Variants in YEATS4 observed in about 807,000 individuals in gnomAD.
The protein encoded by YEATS4 is YEATS domain-containing protein 4.
Under a neutral mutation model 30.1 loss-of-function variants are expected in YEATS4, and 17 were observed. The observed-to-expected ratio is 0.56, with a 90% CI of 0.39 to 0.85. The LOEUF (loss-of-function observed/expected upper bound fraction) is 0.85, where lower values mean the gene tolerates loss of function less well. YEATS4 is among the 40% of genes least tolerant of loss of function. The pLI is 0.00. For synonymous variants in YEATS4, 85 were observed against 87.5 expected (o/e 0.97, Z 0.16); for missense variants, 142 against 268.3 (o/e 0.53, Z 3.29).
intron 6 of YEATS4, among the ~76,000 whole-genome samples, chr12:69,388,129 C>G (rs1222901975): frequency 1.3e-5 from 2 of 151,576 alleles, no homozygotes; most frequent in Non-Finnish European, 2.9e-5. Flanking sequence ...GGCGCGATCT[C>G]GGCTCACTGC....
rs1218253721 is a variant in YEATS4 at position 69,359,889 on chromosome 12, A to G, written c.-84A>G. The stretch of plus-strand genomic sequence containing the variant: ...AACCCTCCGCCTGGGCCCGCGCGAC[A>G]GGAGCGCGGTCTCTGAGGGGAGCGG... On this transcript the variant is annotated 5_prime_UTR_variant, in exon 1 of 7. Coordinates refer to ENST00000247843, the MANE Select transcript of YEATS4 (RefSeq NM_006530.4). 1.3e-6 allele frequency: 2 copies of G among 1,556,180 alleles called. No homozygotes were observed. Among genetic ancestry groups the G allele is most frequent in the Non-Finnish European group, 1.8e-6 (2 of 1,136,916 alleles).
chr12:69,415,155 A>G, the YEATS4 span, among the ~76,000 whole-genome samples: 1 of 152,162 alleles, frequency 6.6e-6, no homozygotes, highest in Non-Finnish European at 1.5e-5. Context: ...GTAAGAGAGA[A>G]AGAAACAGGG....
chr12:69,410,986 A>G, the YEATS4 span, among the ~76,000 whole-genome samples: 1 of 152,212 alleles, frequency 6.6e-6, no homozygotes, highest in Non-Finnish European at 1.5e-5. Context: ...TCTCACCTGG[A>G]AGAATTGCCC....
At chr12:69,402,035 C>G in the YEATS4 span, among the ~76,000 whole-genome samples, 1 of 152,186 alleles carries the variant, frequency 6.6e-6, no homozygotes, top group Non-Finnish European at 1.5e-5. Flanking sequence ...AAAGAGGAGG[C>G]GTTAGTCTTG....
At position 69,390,326 on chromosome 12, in the gene YEATS4, A is replaced by T. The variant is rs773900414; in HGVS notation, c.*10A>T. The T allele has an allele frequency of 1.9e-6, 3 of 1,556,736 alleles. No homozygotes were observed. Among genetic ancestry groups the T allele is most frequent in the Non-Finnish European group, 2.6e-6 (3 of 1,160,216 alleles). ...AGCAAAAGACATATAAACAGTTCTC[A>T]TGAGAACTTGGTAGTAAGCTAAACT... On this transcript the variant is annotated 3_prime_UTR_variant, in exon 7 of 7. Coordinates refer to ENST00000247843, the MANE Select transcript of YEATS4 (RefSeq NM_006530.4).
chr12:69,399,154 AAAAC>A, the YEATS4 span, among the ~76,000 whole-genome samples: 13 of 152,262 alleles, frequency 8.5e-5, no homozygotes, highest in Admixed American at 2.6e-4. Flanking sequence ...CCCCCCCAAA[AAAAC>A]AAACAAACAA....
At chr12:69,384,242 C>T (rs769951159) in intron 6 of YEATS4, among the ~76,000 whole-genome samples, 2 of 152,156 alleles carry the variant, frequency 1.3e-5, no homozygotes, top group South Asian at 4.1e-4. Context: ...ATGAAATGTG[C>T]CCATTCATGG....
chr12:69,403,642 G>A, the YEATS4 span, among the ~76,000 whole-genome samples: 14 of 152,010 alleles, frequency 9.2e-5, no homozygotes, highest in African/African-American at 3.4e-4. Context: ...AAGCACAATG[G>A]CTTATTTCTT....
At chr12:69,364,348 A>C (rs1875347329) in intron 2 of YEATS4, 1 of 236,132 alleles carries the variant, frequency 4.2e-6, no homozygotes, top group Non-Finnish European at 8.8e-6. Flanking sequence ...ATAAAGTTAG[A>C]TATGAATGTA....
chr12:69,391,293 C>CA (rs1195261907), downstream of YEATS4, among the ~76,000 whole-genome samples: 440 of 108,178 alleles, frequency 4.1e-3, 1 homozygote, highest in Middle Eastern at 5.5e-3. Flanking sequence ...GACTTCATCT[C>CA]AAAAAAAAAA....
intron 1 of YEATS4, among the ~76,000 whole-genome samples, chr12:69,361,130 G>A (rs2120877993): frequency 6.6e-6 from 1 of 151,996 alleles, no homozygotes; most frequent in East Asian, 2.0e-4. Context: ...CCCGAGAGGC[G>A]GAAGTTGCAG....
downstream of YEATS4, among the ~76,000 whole-genome samples, chr12:69,393,580 A>G (rs1451515484): frequency 1.3e-5 from 2 of 150,986 alleles, no homozygotes; most frequent in Admixed American, 6.6e-5. Flanking sequence ...AAAAGAAAAA[A>G]AAAAAAGGTA....
chr12:69,408,430 C>T, the YEATS4 span, among the ~76,000 whole-genome samples: 1 of 152,152 alleles, frequency 6.6e-6, no homozygotes. Flanking sequence ...GGTGTTAACA[C>T]TTGTAAATTT....
intron 6 of YEATS4, among the ~76,000 whole-genome samples, chr12:69,380,711 C>G (rs948508908): frequency 3.3e-5 from 5 of 152,154 alleles, no homozygotes; most frequent in African/African-American, 1.2e-4. Flanking sequence ...AATTCACCCC[C>G]AATATTTCAC....
At chr12:69,397,130 A>G in the YEATS4 span, among the ~76,000 whole-genome samples, 1 of 152,352 alleles carries the variant, frequency 6.6e-6, no homozygotes, top group African/African-American at 2.4e-5. Context: ...AAAAAGGATA[A>G]TAAGTCCCAT....
At chr12:69,408,335 G>A in the YEATS4 span, among the ~76,000 whole-genome samples, 2 of 152,214 alleles carry the variant, frequency 1.3e-5, no homozygotes, top group South Asian at 4.1e-4. Context: ...ATAGATGAGT[G>A]AATTCAGTGT....
intron 4 of YEATS4, among the ~76,000 whole-genome samples, chr12:69,368,002 G>A (rs1345312862): frequency 6.6e-6 from 1 of 152,132 alleles, no homozygotes; most frequent in Non-Finnish European, 1.5e-5. Context: ...GACAGCTCTT[G>A]AAGTCACTCT....
chr12:69,375,070 G>A (rs1290282917), intron 6 of YEATS4, among the ~76,000 whole-genome samples: 3 of 151,104 alleles, frequency 2.0e-5, no homozygotes, highest in African/African-American at 7.3e-5. Flanking sequence ...CCCGGAGGGG[G>A]CGGCTGCCGG....
At chr12:69,397,270 C>T in the YEATS4 span, among the ~76,000 whole-genome samples, 120 of 152,266 alleles carry the variant, frequency 7.9e-4, no homozygotes, top group African/African-American at 2.9e-3. Flanking sequence ...CCCCTAGTAC[C>T]TCAGACTGTG....
Sources: gnomAD v4.1 joint callset for allele counts (sites outside exome capture counted in the v4.1 genomes callset) on GRCh38, gnomAD v4.1.1 for gene constraint, MANE v1.5 for transcripts, NCBI Gene and HGNC (gene_info 2026-07-23, HGNC 2026-07-21) for gene names.